The following EBF3 variants were observed in gnomAD, a reference collection of about 807,000 sequenced individuals.
EBF3 encodes the protein EBF transcription factor 3, also known as transcription factor COE3.
In EBF3, 18 loss-of-function variants were observed where a neutral mutation model predicts 77.1. The ratio of observed to expected loss-of-function variants is 0.23; its 90% confidence interval spans 0.16 to 0.35. EBF3 has a LOEUF of 0.35. EBF3 is among the 10% of genes least tolerant of loss of function. The pLI is 1.00. For synonymous variants in EBF3, 350 were observed against 343.5 expected (o/e 1.02, Z -0.21); for missense variants, 558 against 860.0 (o/e 0.65, Z 4.39).
intron 6 of EBF3, among the ~76,000 whole-genome samples, chr10:129,945,117 A>AAG (rs1858093906): frequency 9.0e-5 from 1 of 11,126 alleles, no homozygotes; most frequent in Non-Finnish European, 1.7e-4. Context: ...AAGGGGGGGG[A>AAG]GGTGAAGGGA....
intron 4 of EBF3, 91 bp downstream of exon 4, chr10:129,962,080 C>T: frequency 8.3e-7 from 1 of 1,201,868 alleles, no homozygotes; most frequent in Non-Finnish European, 1.2e-6. Context: ...AACAAATACA[C>T]GAGATCCATT....
chr10:129,859,990 T>G (rs1394575679), intron 10 of EBF3, among the ~76,000 whole-genome samples: 1 of 152,230 alleles, frequency 6.6e-6, no homozygotes, highest in Non-Finnish European at 1.5e-5. Context: ...ATGTTTGTGC[T>G]GATGTCTCCC....
intron 9 of EBF3, 121 bp downstream of exon 9, chr10:129,867,661 T>C: frequency 1.3e-6 from 2 of 1,490,470 alleles, no homozygotes; most frequent in Non-Finnish European, 1.8e-6. Context: ...AGGCGAACAG[T>C]GCAGTGTGTT....
intron 6 of EBF3, among the ~76,000 whole-genome samples, chr10:129,928,635 T>G (rs915064597): frequency 6.6e-6 from 1 of 152,246 alleles, no homozygotes; most frequent in African/African-American, 2.4e-5. Context: ...ATGTGGATTC[T>G]GTGTGCAAAC....
intron 6 of EBF3, among the ~76,000 whole-genome samples, chr10:129,888,786 C>A (rs1343550171): frequency 1.3e-5 from 2 of 152,092 alleles, no homozygotes; most frequent in Non-Finnish European, 2.9e-5. Flanking sequence ...ATTATATTCG[C>A]AGAACAGGTT....
intron 6 of EBF3, among the ~76,000 whole-genome samples, chr10:129,941,057 C>T (rs1323613955): frequency 6.6e-6 from 1 of 152,174 alleles, no homozygotes; most frequent in East Asian, 1.9e-4. Flanking sequence ...AGGGAGAGCC[C>T]GCCCACTCCC....
At chr10:129,959,907 A>C (rs1859362272) in intron 4 of EBF3, among the ~76,000 whole-genome samples, 1 of 152,152 alleles carries the variant, frequency 6.6e-6, no homozygotes, top group South Asian at 2.1e-4. Flanking sequence ...TGAAACTGCT[A>C]ACAGTGATTT....
chr10:129,842,431 A>G lies in EBF3; in HGVS notation c.1195-138T>C, dbSNP rs1292665376. On this transcript the variant is annotated intron_variant, in intron 12 of 16. Coordinates refer to ENST00000440978, the MANE Select transcript of EBF3 (RefSeq NM_001375380.1). The surrounding 1 kb of genome is among the most constrained non-coding windows in gnomAD (Gnocchi z 4.4). Reference sequence around the variant, plus strand: ...CAAATCTATTTCTTAATGGGCAAAGAGCTTCCCCTAGAAAATCATTTACTG... The same window carrying G: ...CAAATCTATTTCTTAATGGGCAAAGGGCTTCCCCTAGAAAATCATTTACTG... 2.0e-6 allele frequency: 2 copies of G among 999,658 alleles called. No homozygotes were observed. The highest frequency in any genetic ancestry group is 3.3e-5 in the African/African-American group (2 of 59,888). 61.9% of individuals were successfully genotyped at this position (999,658 alleles called of 1,614,324 possible). A position where few individuals can be genotyped will look rare whatever the true frequency, so the allele number is the denominator to read the frequency against.
chr10:129,857,011 A>G (rs75211084), intron 10 of EBF3, among the ~76,000 whole-genome samples: 8,318 of 152,244 alleles, frequency 0.055, 436 homozygotes, highest in African/African-American at 0.12. Context: ...AGGTGTGAAC[A>G]AGACAGAGCC....
intron 10 of EBF3, among the ~76,000 whole-genome samples, chr10:129,851,737 C>T (rs568493497): frequency 6.6e-6 from 1 of 152,082 alleles, no homozygotes; most frequent in African/African-American, 2.4e-5. Flanking sequence ...GAAATTATAT[C>T]GTTTAAGATA....
At chr10:129,926,999 G>C (rs1393672349) in intron 6 of EBF3, among the ~76,000 whole-genome samples, 9 of 152,218 alleles carry the variant, frequency 5.9e-5, no homozygotes. Flanking sequence ...GTGGCCCCAG[G>C]AACCGCTGCT....
rs1210119196 is a variant in EBF3 at position 129,885,413 on chromosome 10, T to C, written c.555-7564A>G. 6.6e-6 allele frequency among the ~76,000 whole-genome samples: 1 copy of C among 152,158 alleles called. No individual in the cohort carries two copies. The highest frequency in any genetic ancestry group is 2.4e-5 in the African/African-American group (1 of 41,428). On this transcript the variant is annotated intron_variant, in intron 6 of 16. Transcript: ENST00000440978. The surrounding 1 kb of genome is among the most constrained non-coding windows in gnomAD (Gnocchi z 4.0). The stretch of plus-strand genomic sequence containing the variant: ...CTACAAGCTTCGTCAGCCACCCCAC[T>C]CCGCCCGCTGTCAGTGTTCTAGTTA...
intron 6 of EBF3, among the ~76,000 whole-genome samples, chr10:129,933,044 C>A (rs1054210956): frequency 1.3e-5 from 2 of 152,228 alleles, no homozygotes; most frequent in South Asian, 2.1e-4. Flanking sequence ...CAAAAATTAT[C>A]ATAAATATAG....
rs530519967 is a variant in EBF3, at chr10:129,917,084, A to C, written c.555-39235T>G. ...ACTTGTCATGTATTAAAAGTGGGAC[A>C]CAGGCCAGGTGCAGCAGTTCACGCC... is the stretch of plus-strand genomic sequence containing the variant. On this transcript the variant is annotated intron_variant, in intron 6 of 16. Coordinates refer to ENST00000440978, the MANE Select transcript of EBF3 (RefSeq NM_001375380.1). Among the ~76,000 whole-genome samples the C allele has an allele frequency of 2.6e-5, 4 of 152,312 alleles. No individual in the cohort carries two copies. In the East Asian group the frequency reaches 7.7e-4, roughly 29 times the overall value.
At chr10:129,845,825 G>A (rs1460075318) in intron 11 of EBF3, 1 of 151,726 alleles carries the variant, frequency 6.6e-6, no homozygotes, top group Non-Finnish European at 1.5e-5. Context: ...TGAAATGCAT[G>A]CAATTAATTT....
Position 129,837,236 on chromosome 10 carries a change from A to C in EBF3, c.*707T>G, listed in dbSNP as rs1590017889. On this transcript the variant is annotated 3_prime_UTR_variant, in exon 17 of 17. Transcript: ENST00000440978. ...AGTGGGAGAATATTGGAACCAACAG[A>C]CAGTAGCATTTTTTCTCTGTCAGTG... is the stretch of plus-strand genomic sequence containing the variant. 1 of 152,720 alleles carries C rather than the reference A, an allele frequency of 6.5e-6. No individual in the cohort carries two copies. Among genetic ancestry groups the C allele is most frequent in the East Asian group, 1.9e-4 (1 of 5,202 alleles). The allele number at this position is 152,720 out of a possible 1,614,324, so 9.5% of individuals were successfully genotyped here.
chr10:129,898,947 G>A (rs1056632960), intron 6 of EBF3, among the ~76,000 whole-genome samples: 3 of 152,220 alleles, frequency 2.0e-5, no homozygotes, highest in Admixed American at 1.3e-4. Context: ...CTCGAGTAAG[G>A]AGAAGACGTT....
In EBF3 at chr10:129,835,349, T is replaced by C. The variant is rs796152408; in HGVS notation, c.*2594A>G. The C allele has an allele frequency of 1.3e-5, 2 of 152,576 alleles. No homozygotes were observed. The highest frequency in any genetic ancestry group is 4.8e-5 in the African/African-American group (2 of 41,470). 9.5% of individuals were successfully genotyped at this position (152,576 alleles called of 1,614,324 possible). The stretch of plus-strand genomic sequence containing the variant: ...AAATGAACATTTTTATACAGTTAAA[T>C]ATCTGAAAAAATGTACAGATAAAAC... On this transcript the variant is annotated 3_prime_UTR_variant, in exon 17 of 17. Transcript: ENST00000440978.
chr10:129,839,805 G>A (rs1006239766), intron 15 of EBF3, among the ~76,000 whole-genome samples: 1 of 152,248 alleles, frequency 6.6e-6, no homozygotes, highest in African/African-American at 2.4e-5. Context: ...TATTTTCGCT[G>A]CTTTGTGCAT....
Sources: gnomAD v4.1 joint callset for allele counts (sites outside exome capture counted in the v4.1 genomes callset) on GRCh38, gnomAD v4.1.1 for gene constraint, Gnocchi (gnomAD v3.1) non-coding constraint, MANE v1.5 for transcripts, NCBI Gene and HGNC (gene_info 2026-07-23, HGNC 2026-07-21) for gene names.